Variants in TBX15 observed in about 807,000 individuals in gnomAD.
The protein encoded by TBX15 is T-box transcription factor 15.
TBX15 carries 18 observed loss-of-function variants against 53.9 expected under a neutral mutation model. That is an observed-to-expected ratio of 0.33 (90% CI 0.23 to 0.49). The LOEUF is 0.49. Among genes scored for constraint, TBX15 ranks in the 20% least tolerant of loss-of-function variants. The pLI, the probability that TBX15 is intolerant of heterozygous loss-of-function variation, is 0.98. For missense variants in TBX15, 692 were observed against 749.5 expected (o/e 0.92, Z 0.90); for synonymous variants, 295 against 278.0 (o/e 1.06, Z -0.61).
At chr1:118,922,891 A>C (rs1246590695) in intron 5 of TBX15, among the ~76,000 whole-genome samples, 1 of 151,000 alleles carries the variant, frequency 6.6e-6, no homozygotes. Context: ...GTAAATTCTG[A>C]TGTTGAAATA....
chr1:118,916,630 G>A (rs765441204), intron 5 of TBX15, among the ~76,000 whole-genome samples: 6 of 152,122 alleles, frequency 3.9e-5, no homozygotes, highest in Admixed American at 6.6e-5. Flanking sequence ...TTGGGAGGCC[G>A]AGGCAGATGG....
At chr1:118,950,030 C>G (rs796109010) in intron 1 of TBX15, among the ~76,000 whole-genome samples, 22 of 152,312 alleles carry the variant, frequency 1.4e-4, no homozygotes, top group African/African-American at 5.1e-4. Context: ...AAAATAATCT[C>G]CTACTATCTG....
At chr1:118,904,390 CT>C (rs1212716660) in intron 6 of TBX15, among the ~76,000 whole-genome samples, 1 of 152,134 alleles carries the variant, frequency 6.6e-6, no homozygotes. Flanking sequence ...ATCCAGATTA[CT>C]CAGGAATGTT....
intron 1 of TBX15, among the ~76,000 whole-genome samples, chr1:118,973,046 G>A (rs1205138611): frequency 6.6e-6 from 1 of 152,186 alleles, no homozygotes; most frequent in Non-Finnish European, 1.5e-5. Context: ...GATGGAAAAG[G>A]GTAATTTGAT....
In TBX15 at chr1:118,884,189, T is replaced by C. The variant is rs1173775922; in HGVS notation, c.*543A>G. The C allele has an allele frequency of 1.3e-5, 2 of 157,200 alleles. No individual in the cohort carries two copies. Among genetic ancestry groups the C allele is most frequent in the African/African-American group, 4.8e-5 (2 of 41,478 alleles). 9.7% of individuals were successfully genotyped at this position (157,200 alleles called of 1,614,324 possible). A position where few individuals can be genotyped will look rare whatever the true frequency, so the allele number is the denominator to read the frequency against. The stretch of plus-strand genomic sequence containing the variant: ...GCTGCAGGGGAGAAAGACTGGCAGC[T>C]ACTGCTGGCCCACTCCATCTAGAGT... On this transcript the variant is annotated 3_prime_UTR_variant, in exon 8 of 8. Transcript: ENST00000369429.
At chr1:118,954,190 A>G (rs1182438012) in intron 1 of TBX15, among the ~76,000 whole-genome samples, 1 of 152,236 alleles carries the variant, frequency 6.6e-6, no homozygotes, top group East Asian at 1.9e-4. Context: ...CTGGAGACCA[A>G]GGAAAGCTAA....
chr1:118,885,865 C>T (rs1557868947), intron 7 of TBX15, among the ~76,000 whole-genome samples: 1 of 152,220 alleles, frequency 6.6e-6, no homozygotes, highest in Non-Finnish European at 1.5e-5. Flanking sequence ...ATCAAATTCA[C>T]TTTCTAATAA....
chr1:118,892,778 T>C (rs757491662), intron 7 of TBX15, among the ~76,000 whole-genome samples: 1 of 152,234 alleles, frequency 6.6e-6, no homozygotes, highest in Non-Finnish European at 1.5e-5. Flanking sequence ...GCATGAGAAA[T>C]GCTAATGTTA....
At chr1:118,919,851 C>T (rs180763455) in intron 5 of TBX15, among the ~76,000 whole-genome samples, 29 of 152,274 alleles carry the variant, frequency 1.9e-4, no homozygotes, top group Non-Finnish European at 1.5e-4. Flanking sequence ...TCTACTCTCT[C>T]TTGTCTCATA....
intron 1 of TBX15, among the ~76,000 whole-genome samples, chr1:118,938,211 C>G (rs1656028172): frequency 6.6e-6 from 1 of 152,262 alleles, no homozygotes; most frequent in South Asian, 2.1e-4. Flanking sequence ...TCAAATGAGC[C>G]TGTTAAATGG....
At position 118,988,102 on chromosome 1, in the gene TBX15, G is replaced by A; in HGVS notation, c.-307C>T. 1 of 474,698 alleles carries A rather than the reference G, an allele frequency of 2.1e-6. No homozygotes were observed. Among genetic ancestry groups the A allele is most frequent in the South Asian group, 2.9e-5 (1 of 34,570 alleles). 29.4% of individuals were successfully genotyped at this position (474,698 alleles called of 1,614,324 possible). The stretch of plus-strand genomic sequence containing the variant: ...ACCGGGGCAGGCGCTCACAGACTGT[G>A]TCCACTGAACTTCATCTTGTTTTTG... On this transcript the variant is annotated 5_prime_UTR_variant, in exon 1 of 8. Coordinates refer to ENST00000369429, the MANE Select transcript of TBX15 (RefSeq NM_001330677.2).
rs1350420357 is a variant in TBX15, at chr1:118,885,465, G to A, written c.1076C>T (p.Pro359Leu). 1 of 1,607,384 alleles carries A rather than the reference G, an allele frequency of 6.2e-7. No homozygotes were observed. Among genetic ancestry groups the A allele is most frequent in the Non-Finnish European group, 8.5e-7 (1 of 1,176,392 alleles). The change falls in exon 8 of 8, where the codon CCT (proline) becomes CTT (leucine). Residue 359 changes from proline (P) to leucine (L), a missense_variant. Pro to Leu is a moderately conservative substitution (Grantham distance 98). Transcript: ENST00000369429. ...AGATAAAAGATGAGAAGAAGCCGAAGGGGATGGTGTCCCAGTGCTGGAGGT... is the reference window on the plus strand; with the variant it reads ...AGATAAAAGATGAGAAGAAGCCGAAAGGGATGGTGTCCCAGTGCTGGAGGT... ...PTTSSTGTPS[P>L]SASSHLLSPS...
chr1:118,968,255 C>T (rs1195938414), intron 1 of TBX15, among the ~76,000 whole-genome samples: 2 of 152,148 alleles, frequency 1.3e-5, no homozygotes, highest in Non-Finnish European at 2.9e-5. Context: ...CCCTCTGTCA[C>T]CCAGGCTGGA....
intron 2 of TBX15, 146 bp downstream of exon 2, chr1:118,931,473 T>C (rs1353852135): frequency 1.2e-6 from 1 of 844,058 alleles, no homozygotes; most frequent in Non-Finnish European, 2.0e-6. Flanking sequence ...AGAACAACTT[T>C]ACCAAGATGT....
At chr1:118,923,182 C>T (rs1483066723) in intron 5 of TBX15, among the ~76,000 whole-genome samples, 3 of 152,128 alleles carry the variant, frequency 2.0e-5, no homozygotes, top group African/African-American at 7.2e-5. Flanking sequence ...GGTTTAATAG[C>T]TTCTTAAATA....
upstream of TBX15, among the ~76,000 whole-genome samples, chr1:118,988,711 A>T (rs1008001472): frequency 6.6e-6 from 1 of 152,210 alleles, no homozygotes; most frequent in African/African-American, 2.4e-5. Flanking sequence ...ACAAAATGTT[A>T]ACCTGTCCAA....
At chr1:118,944,436 C>T (rs1055885669) in intron 1 of TBX15, among the ~76,000 whole-genome samples, 7 of 152,180 alleles carry the variant, frequency 4.6e-5, no homozygotes, top group African/African-American at 1.7e-4. Flanking sequence ...ATTCCATGGT[C>T]AACATCTTGG....
intron 1 of TBX15, among the ~76,000 whole-genome samples, chr1:118,940,737 T>A (rs35822059): frequency 0.26 from 36,642 of 140,630 alleles, 4,985 homozygotes; most frequent in Non-Finnish European, 0.29. Context: ...CAAAAAAAAA[T>A]AAATAAAGGA....
chr1:118,900,489 C>T (rs2101508702), intron 6 of TBX15, among the ~76,000 whole-genome samples: 1 of 152,318 alleles, frequency 6.6e-6, no homozygotes, highest in East Asian at 1.9e-4. Flanking sequence ...AAAATTTCCT[C>T]TCTGAACAGG....
Sources: allele counts gnomAD v4.1 joint callset (sites outside exome capture counted in the v4.1 genomes callset), GRCh38; gene constraint gnomAD v4.1.1; transcripts MANE v1.5; gene names NCBI Gene and HGNC (gene_info 2026-07-23, HGNC 2026-07-21).